GPC5: variants seen among roughly 807,000 people sequenced by gnomAD.
GPC5 encodes the protein glypican 5.
Under a neutral mutation model 53.9 loss-of-function variants are expected in GPC5, and 47 were observed. The ratio of observed to expected loss-of-function variants is 0.87; its 90% CI spans 0.69 to 1.11. The LOEUF (loss-of-function observed/expected upper bound fraction) is 1.11. Among genes scored for constraint, GPC5 ranks in the 50% most tolerant of loss-of-function variants. GPC5 has a pLI of 0.00. For missense variants in GPC5, 748 were observed against 713.1 expected (o/e 1.05, Z -0.56); for synonymous variants, 286 against 263.3 (o/e 1.09, Z -0.84).
chr13:91,484,128 G>A lies in GPC5; in HGVS notation c.325+35206G>A, dbSNP rs9515932. Among the ~76,000 whole-genome samples, 1,245 of 151,782 alleles carry A rather than the reference G, an allele frequency of 8.2e-3. 5 individuals carry two copies. The highest frequency in any genetic ancestry group is 0.014 in the Non-Finnish European group (950 of 67,928). On this transcript the variant is annotated intron_variant, in intron 2 of 7. Transcript: ENST00000377067. ...TTTCTAACATGTTTTGACATTTTTC[G>A]AGTGTGTTCACACTCTGATATCTCA...
chr13:92,006,529 C>T (rs1297802041), intron 6 of GPC5, among the ~76,000 whole-genome samples: 1 of 152,180 alleles, frequency 6.6e-6, no homozygotes, highest in Non-Finnish European at 1.5e-5. Context: ...TGCCTTCCTA[C>T]TACCTTTGTC....
At chr13:91,932,721 T>C (rs2039833303) in intron 6 of GPC5, among the ~76,000 whole-genome samples, 1 of 151,964 alleles carries the variant, frequency 6.6e-6, no homozygotes, top group Non-Finnish European at 1.5e-5. Flanking sequence ...TTTTCTCGTA[T>C]CAGAGTCATG....
At chr13:92,827,868 C>G (rs555219213) in intron 7 of GPC5, among the ~76,000 whole-genome samples, 1 of 151,928 alleles carries the variant, frequency 6.6e-6, no homozygotes, top group Non-Finnish European at 1.5e-5. Flanking sequence ...TGCCAGGAGC[C>G]TCAATAAAGA....
At chr13:91,524,080 A>G (rs1020909184) in intron 2 of GPC5, among the ~76,000 whole-genome samples, 3 of 152,140 alleles carry the variant, frequency 2.0e-5, no homozygotes, top group Non-Finnish European at 4.4e-5. Context: ...AATAGAAACA[A>G]TCTTTGTAAA....
chr13:92,789,420 A>C (rs1056934189), intron 7 of GPC5, among the ~76,000 whole-genome samples: 42 of 152,190 alleles, frequency 2.8e-4, no homozygotes, highest in Admixed American at 2.3e-3. Flanking sequence ...CATTTTGAGA[A>C]AACTGCTGAC....
chr13:92,788,754 A>C (rs1876351425), intron 7 of GPC5, among the ~76,000 whole-genome samples: 1 of 152,172 alleles, frequency 6.6e-6, no homozygotes, highest in South Asian at 2.1e-4. Flanking sequence ...AGTTTAAGGA[A>C]AGGGAGCAGG....
chr13:92,347,924 T>TATATAATATATTATATATATAATA (rs1491168569), intron 7 of GPC5, among the ~76,000 whole-genome samples: 1 of 3,702 alleles, frequency 2.7e-4, no homozygotes, highest in Non-Finnish European at 4.4e-4. Context: ...TATATATATA[T>TATATAATATATTATATATATAATA]TATATATACA....
At chr13:92,639,713 C>A (rs1399215619) in intron 7 of GPC5, among the ~76,000 whole-genome samples, 1 of 152,106 alleles carries the variant, frequency 6.6e-6, no homozygotes, top group Non-Finnish European at 1.5e-5. Context: ...TGAGCAAAAA[C>A]CAGGTATCTG....
intron 2 of GPC5, among the ~76,000 whole-genome samples, chr13:91,527,251 T>C (rs575368732): frequency 6.6e-6 from 1 of 152,366 alleles, no homozygotes; most frequent in African/African-American, 2.4e-5. Context: ...ACTTCCAAGA[T>C]ACAATGAGGA....
Position 92,005,555 on chromosome 13 carries a change from T to C in GPC5, c.1401+97498T>C, listed in dbSNP as rs1383724093. Among the ~76,000 whole-genome samples, 3 of 152,182 alleles carry C rather than the reference T, an allele frequency of 2.0e-5. No homozygotes were observed. In the East Asian group the frequency reaches 5.8e-4, roughly 29 times the overall value. Reference sequence around the variant, plus strand: ...TATCCTCCTCTTATCCCTAATTTTATGTATAGGATATATTGCTATTTACAA... The same window carrying C: ...TATCCTCCTCTTATCCCTAATTTTACGTATAGGATATATTGCTATTTACAA... On this transcript the variant is annotated intron_variant, in intron 6 of 7. Coordinates refer to ENST00000377067, the MANE Select transcript of GPC5 (RefSeq NM_004466.6).
chr13:92,614,350 CA>C (rs1419346990), intron 7 of GPC5, among the ~76,000 whole-genome samples: 4 of 151,954 alleles, frequency 2.6e-5, no homozygotes, highest in Non-Finnish European at 4.4e-5. Flanking sequence ...TGTTGTAAAA[CA>C]AAAATATCCT....
intron 7 of GPC5, among the ~76,000 whole-genome samples, chr13:92,299,040 G>C (rs1407415595): frequency 6.6e-6 from 1 of 152,092 alleles, no homozygotes; most frequent in Non-Finnish European, 1.5e-5. Flanking sequence ...TAGATCCATA[G>C]TTAGAGAAAA....
intron 2 of GPC5, among the ~76,000 whole-genome samples, chr13:91,563,933 A>C (rs1594259320): frequency 6.7e-6 from 1 of 149,154 alleles, no homozygotes; most frequent in African/African-American, 2.5e-5. Context: ...TCTCATCATG[A>C]CTCCTGCCTA....
chr13:91,494,550 C>T (rs1884143989), intron 2 of GPC5, among the ~76,000 whole-genome samples: 1 of 152,016 alleles, frequency 6.6e-6, no homozygotes, highest in South Asian at 2.1e-4. Flanking sequence ...TTTCTCTCAC[C>T]CTACTCTCTT....
chr13:91,420,791 C>T (rs1878566324), intron 1 of GPC5, among the ~76,000 whole-genome samples: 1 of 152,190 alleles, frequency 6.6e-6, no homozygotes, highest in Admixed American at 6.5e-5. Flanking sequence ...GCTCTTCACT[C>T]TTCTCTCTCT....
chr13:92,498,760 A>G (rs1408162288), intron 7 of GPC5, among the ~76,000 whole-genome samples: 2 of 152,138 alleles, frequency 1.3e-5, no homozygotes, highest in Non-Finnish European at 2.9e-5. Context: ...GTTACTCATT[A>G]TTCCATAACT....
At chr13:92,483,267 T>C (rs541959695) in intron 7 of GPC5, among the ~76,000 whole-genome samples, 1 of 152,284 alleles carries the variant, frequency 6.6e-6, no homozygotes, top group South Asian at 2.1e-4. Context: ...TGAGCATACT[T>C]ACACCAACCT....
At chr13:92,369,379 T>C (rs1211948118) in intron 7 of GPC5, among the ~76,000 whole-genome samples, 3 of 152,174 alleles carry the variant, frequency 2.0e-5, no homozygotes, top group Admixed American at 6.5e-5. Flanking sequence ...GGTTTTGCCA[T>C]GTTGGCCAGG....
At chr13:91,990,529 G>T (rs1393882269) in intron 6 of GPC5, among the ~76,000 whole-genome samples, 2 of 151,976 alleles carry the variant, frequency 1.3e-5, no homozygotes, top group Non-Finnish European at 2.9e-5. Flanking sequence ...TTTTCCTCTT[G>T]AAGATTTGTA....
Sources: allele counts gnomAD v4.1 joint callset (sites outside exome capture counted in the v4.1 genomes callset), GRCh38; gene constraint gnomAD v4.1.1; transcripts MANE v1.5; gene names NCBI Gene and HGNC (gene_info 2026-07-23, HGNC 2026-07-21).